FRMD4B: variants seen among roughly 807,000 people sequenced by gnomAD.
FRMD4B encodes the protein FERM domain containing 4B.
In FRMD4B, 74 loss-of-function variants were observed where a neutral mutation model predicts 141.5. The ratio of observed to expected loss-of-function variants is 0.52; its 90% CI spans 0.43 to 0.63. FRMD4B has a LOEUF of 0.63. Among genes scored for constraint, FRMD4B ranks in the 30% least tolerant of loss-of-function variants. The pLI, the probability that FRMD4B is intolerant of heterozygous loss-of-function variation, is 0.00. For missense variants in FRMD4B, 1,366 were observed against 1,253.4 expected, an observed-to-expected ratio of 1.09 and a Z score of -1.36; for synonymous variants, 506 against 467.9, an observed-to-expected ratio of 1.08 and a Z score of -1.05.
At position 69,170,339 on chromosome 3, in the gene FRMD4B, A is replaced by T. The variant is rs1390550793; in HGVS notation, c.*1522T>A. On this transcript the variant is annotated 3_prime_UTR_variant, in exon 23 of 23. Coordinates refer to ENST00000398540, the MANE Select transcript of FRMD4B (RefSeq NM_015123.3). ...TCTTGAAAAGTCAGAACAATAAAAG[A>T]ATATGCAAAAAGGTTATTTCTGATT... is the stretch of plus-strand genomic sequence containing the variant. 1 of 152,198 alleles carries T rather than the reference A, an allele frequency of 6.6e-6. No individual in the cohort carries two copies. The highest frequency in any genetic ancestry group is 1.9e-4 in the East Asian group (1 of 5,202). The allele number at this position is 152,198 out of a possible 1,614,324, so 9.4% of individuals were successfully genotyped here.
chr3:69,488,840 C>G (rs1706260334), intron 1 of FRMD4B, among the ~76,000 whole-genome samples: 1 of 144,426 alleles, frequency 6.9e-6, no homozygotes, highest in Non-Finnish European at 1.5e-5. Context: ...TTGCAGTGAG[C>G]CGAGATCACA....
In FRMD4B at chr3:69,349,615, C is replaced by A. The variant is rs542131973; in HGVS notation, c.163-36098G>T. On this transcript the variant is annotated intron_variant, in intron 1 of 22. Coordinates refer to ENST00000398540, the MANE Select transcript of FRMD4B (RefSeq NM_015123.3). ...TAACCAAAAAAGCATGGTACTGGTA[C>A]CAAAACAGAGATATAGACCAATGGA... 7.2e-3 allele frequency among the ~76,000 whole-genome samples: 1,102 copies of A among 152,094 alleles called. 14 individuals carry two copies. Among genetic ancestry groups the A allele is most frequent in the African/African-American group, 0.025 (1,055 of 41,504 alleles).
intron 1 of FRMD4B, among the ~76,000 whole-genome samples, chr3:69,434,882 T>A (rs75425778): frequency 0.15 from 22,843 of 152,128 alleles, 2,267 homozygotes; most frequent in East Asian, 0.45. Flanking sequence ...GTTCTCACAT[T>A]TCTGAAGGCT....
chr3:69,463,999 CTG>C (rs1332062428), intron 1 of FRMD4B, among the ~76,000 whole-genome samples: 5 of 152,162 alleles, frequency 3.3e-5, no homozygotes, highest in Non-Finnish European at 7.3e-5. Flanking sequence ...AGGGAGTAAA[CTG>C]TGAATAAGTG....
chr3:69,249,442 T>C (rs1483874033), intron 6 of FRMD4B, among the ~76,000 whole-genome samples, 194 bp from the exon 7 acceptor site: 3 of 152,218 alleles, frequency 2.0e-5, no homozygotes, highest in Non-Finnish European at 4.4e-5. Context: ...GTTAGGAATA[T>C]TCCTTATTCT....
chr3:69,175,037 T>G (rs2092628011), intron 22 of FRMD4B, among the ~76,000 whole-genome samples: 3 of 152,162 alleles, frequency 2.0e-5, no homozygotes, highest in Admixed American at 1.3e-4. Context: ...GGCTTAATAT[T>G]TGAAGCCAAG....
intron 4 of FRMD4B, among the ~76,000 whole-genome samples, chr3:69,292,814 C>A (rs982897460): frequency 1.5e-5 from 1 of 66,494 alleles, no homozygotes; most frequent in Non-Finnish European, 3.4e-5. Flanking sequence ...TTTTTTTCAG[C>A]CTTTTTTTTT....
At chr3:69,217,108 A>G (rs1030435543) in intron 10 of FRMD4B, among the ~76,000 whole-genome samples, 1 of 152,240 alleles carries the variant, frequency 6.6e-6, no homozygotes. Context: ...ACAATTAACA[A>G]TGAACACGGG....
upstream of FRMD4B, among the ~76,000 whole-genome samples, chr3:69,390,217 C>T (rs983641903): frequency 6.6e-6 from 1 of 152,126 alleles, no homozygotes; most frequent in Non-Finnish European, 1.5e-5. Context: ...TCCAGTGGTC[C>T]CCTCTGCCTG....
chr3:69,370,112 G>GTTT (rs199752409), intron 1 of FRMD4B, among the ~76,000 whole-genome samples: 4 of 143,366 alleles, frequency 2.8e-5, no homozygotes, highest in Middle Eastern at 3.6e-3. Context: ...TTTTGTTCCT[G>GTTT]TTTTTTTTTT....
At chr3:69,398,315 G>T in intron 2 of FRMD4B, among the ~76,000 whole-genome samples, 1 of 152,038 alleles carries the variant, frequency 6.6e-6, no homozygotes, top group East Asian at 1.9e-4. Context: ...GATACATAGT[G>T]ATGTTTCAAT....
chr3:69,218,382 A>G lies in FRMD4B; in HGVS notation c.732-3T>C, dbSNP rs369002369. 377 of 1,341,746 alleles carry G rather than the reference A, an allele frequency of 2.8e-4. No individual in the cohort carries two copies. Among genetic ancestry groups the G allele is most frequent in the Non-Finnish European group, 3.3e-4 (315 of 941,898 alleles). The allele number at this position is 1,341,746 out of a possible 1,614,324, so 83.1% of individuals were successfully genotyped here. On this transcript the variant is annotated splice_region_variant and splice_polypyrimidine_tract_variant and intron_variant, in intron 9 of 22. Coordinates refer to ENST00000398540, the MANE Select transcript of FRMD4B (RefSeq NM_015123.3). ...GAGCTTCTACTATTTTCATATACCT[A>G]TGGAAAATAAATATGTATCACAATC...
intron 3 of FRMD4B, among the ~76,000 whole-genome samples, chr3:69,305,383 G>C (rs183110247): frequency 6.6e-6 from 1 of 152,280 alleles, no homozygotes; most frequent in Admixed American, 6.5e-5. Context: ...CACAAGGGAA[G>C]GTCCTTAGAA....
intron 11 of FRMD4B, among the ~76,000 whole-genome samples, chr3:69,203,341 A>AAAAAAAAAAAAG (rs1553700373): frequency 9.1e-5 from 7 of 77,032 alleles, no homozygotes; most frequent in Admixed American, 3.5e-4. Context: ...AAAAAAAAAA[A>AAAAAAAAAAAAG]AAAGAAAGAA....
At chr3:69,236,999 C>T (rs955153833) in intron 7 of FRMD4B, among the ~76,000 whole-genome samples, 1 of 152,198 alleles carries the variant, frequency 6.6e-6, no homozygotes, top group Non-Finnish European at 1.5e-5. Context: ...TAAAAGAGAG[C>T]AGCTCCACCT....
intron 1 of FRMD4B, among the ~76,000 whole-genome samples, chr3:69,506,151 C>A (rs972019827): frequency 1.3e-5 from 2 of 152,172 alleles, no homozygotes; most frequent in African/African-American, 4.8e-5. Context: ...TGTACAAAGA[C>A]CATCCACTGC....
intron 7 of FRMD4B, among the ~76,000 whole-genome samples, chr3:69,235,319 C>A (rs1202286280): frequency 2.0e-5 from 3 of 151,790 alleles, no homozygotes; most frequent in Non-Finnish European, 4.4e-5. Context: ...GTGACCTGAC[C>A]TAGCAGTGAC....
chr3:69,204,505 T>C (rs6776243), intron 11 of FRMD4B, among the ~76,000 whole-genome samples: 13,685 of 152,282 alleles, frequency 0.09, 633 homozygotes, highest in Middle Eastern at 0.11. Context: ...GGGGGATCCC[T>C]CTGCTATTAT....
At position 69,196,331 on chromosome 3, in the gene FRMD4B, T is replaced by C. The variant is rs1233508790; in HGVS notation, c.1158A>G (p.Gln386=). Residue 386 remains glutamine, a synonymous_variant, in exon 14 of 23, where the codon CAA becomes CAG. Coordinates refer to ENST00000398540, the MANE Select transcript of FRMD4B (RefSeq NM_015123.3). ...CCAGTGTCACCAGCTTGGAGGCCCT[T>C]TGTGTTCCTGTCTCTGTCAAATCCA... ...IAMDLTETGT[Q]RASKLVTLET... 4 of 1,611,534 alleles carry C rather than the reference T, an allele frequency of 2.5e-6. No homozygotes were observed. Among genetic ancestry groups the C allele is most frequent in the Non-Finnish European group, 3.4e-6 (4 of 1,178,552 alleles).
Sources: allele counts gnomAD v4.1 joint callset (sites outside exome capture counted in the v4.1 genomes callset), GRCh38; gene constraint gnomAD v4.1.1; transcripts MANE v1.5; gene names NCBI Gene and HGNC (gene_info 2026-07-23, HGNC 2026-07-21).